VPS13B: variants seen among roughly 807,000 people sequenced by gnomAD.
VPS13B encodes vacuolar protein sorting 13 homolog B.
A neutral mutation model predicts 426.4 loss-of-function variants in VPS13B; 285 were observed. The ratio of observed to expected loss-of-function variants is 0.67; its 90% CI spans 0.61 to 0.74. The LOEUF is 0.74. Ranked by LOEUF, VPS13B falls within the 30% of genes least tolerant of loss-of-function variation. VPS13B has a pLI of 0.00. For missense variants in VPS13B, 4,537 were observed against 4,782.6 expected (o/e 0.95, Z 1.51); for synonymous variants, 1,676 against 1,676.4 (o/e 1.00, Z 0.01).
intron 3 of VPS13B, among the ~76,000 whole-genome samples, chr8:99,082,031 C>T (rs540405175): frequency 9.9e-5 from 15 of 152,226 alleles, no homozygotes; most frequent in East Asian, 3.9e-4. Flanking sequence ...CCTGAGGAAT[C>T]GCCACACTGA....
At chr8:99,807,420 TA>T (rs1413391061) in intron 43 of VPS13B, among the ~76,000 whole-genome samples, 1 of 146,730 alleles carries the variant, frequency 6.8e-6, no homozygotes, top group Non-Finnish European at 1.5e-5. Context: ...CTTGCCTCAT[TA>T]TTTTTTTTTT....
intron 19 of VPS13B, among the ~76,000 whole-genome samples, chr8:99,321,610 C>T (rs1809991912): frequency 6.6e-6 from 1 of 152,128 alleles, no homozygotes; most frequent in East Asian, 1.9e-4. Flanking sequence ...TATTTTTATC[C>T]ATTCTCTGGT....
At chr8:99,088,742 T>C (rs532013535) in intron 3 of VPS13B, among the ~76,000 whole-genome samples, 22 of 152,346 alleles carry the variant, frequency 1.4e-4, no homozygotes, top group African/African-American at 3.6e-4. Context: ...GCTTGTTTAA[T>C]ATATAGAATA....
intron 36 of VPS13B, among the ~76,000 whole-genome samples, chr8:99,706,587 A>G (rs1490766489): frequency 6.6e-6 from 1 of 152,106 alleles, no homozygotes; most frequent in African/African-American, 2.4e-5. Context: ...CAAATTAGTC[A>G]TTTCTGGTTA....
At chr8:99,130,819 GTA>G (rs1244684792) in intron 8 of VPS13B, among the ~76,000 whole-genome samples, 1 of 151,996 alleles carries the variant, frequency 6.6e-6, no homozygotes, top group African/African-American at 2.4e-5. Context: ...TAGCTACATT[GTA>G]TATATCAGTA....
At chr8:99,657,260 T>C (rs1830053001) in intron 34 of VPS13B, among the ~76,000 whole-genome samples, 1 of 152,160 alleles carries the variant, frequency 6.6e-6, no homozygotes, top group East Asian at 1.9e-4. Flanking sequence ...CCTTGAAAAC[T>C]CTTATCTACA....
chr8:99,541,170 T>C (rs990524966), intron 30 of VPS13B, among the ~76,000 whole-genome samples: 26 of 152,158 alleles, frequency 1.7e-4, no homozygotes, highest in Admixed American at 6.5e-4. Context: ...TGTTTTCTGG[T>C]ATCAATTAAA....
At position 99,287,764 on chromosome 8, in the gene VPS13B, A is replaced by G. The variant is rs145222987; in HGVS notation, c.2824+12510A>G. ...TCAAAGAAATCGACATTAAAACACT[A>G]AGGAACATTTTTTTACCTGTGAAAT... On this transcript the variant is annotated intron_variant, in intron 19 of 61. Coordinates refer to ENST00000357162, the MANE Select transcript of VPS13B (RefSeq NM_152564.5). Among the ~76,000 whole-genome samples the G allele has an allele frequency of 3.5e-3, 534 of 152,188 alleles. 5 individuals are homozygous for G. The highest frequency in any genetic ancestry group is 0.012 in the African/African-American group (511 of 41,558).
intron 14 of VPS13B, among the ~76,000 whole-genome samples, chr8:99,152,801 G>C: frequency 6.6e-6 from 1 of 152,066 alleles, no homozygotes; most frequent in Non-Finnish European, 1.5e-5. Flanking sequence ...AATTAATATA[G>C]CCACTCCTAC....
At chr8:99,756,076 T>TA (rs1323954494) in intron 39 of VPS13B, among the ~76,000 whole-genome samples, 1 of 151,846 alleles carries the variant, frequency 6.6e-6, no homozygotes, top group African/African-American at 2.4e-5. Context: ...TTCAAAGAAC[T>TA]AAAAAAGGCC....
At chr8:99,570,051 T>G (rs1825396190) in intron 31 of VPS13B, among the ~76,000 whole-genome samples, 1 of 152,210 alleles carries the variant, frequency 6.6e-6, no homozygotes, top group African/African-American at 2.4e-5. Context: ...GAATTATTGA[T>G]TCTACAGCTC....
At chr8:99,174,652 G>A (rs1812533321) in intron 16 of VPS13B, among the ~76,000 whole-genome samples, 2 of 151,954 alleles carry the variant, frequency 1.3e-5, no homozygotes, top group Admixed American at 6.6e-5. Flanking sequence ...TTTATGTGTT[G>A]TGTAAATTAA....
At chr8:99,108,271 A>G (rs1170665165) in intron 5 of VPS13B, among the ~76,000 whole-genome samples, 1 of 152,086 alleles carries the variant, frequency 6.6e-6, no homozygotes, top group African/African-American at 2.4e-5. Context: ...GGTTGATTCC[A>G]TGTCTTTGCT....
chr8:99,735,970 G>A (rs1029644916), intron 39 of VPS13B, among the ~76,000 whole-genome samples: 5 of 152,150 alleles, frequency 3.3e-5, no homozygotes, highest in Admixed American at 6.5e-5. Context: ...TGTTCTCTGC[G>A]CTTGGGTCGC....
intron 17 of VPS13B, among the ~76,000 whole-genome samples, chr8:99,213,188 T>C (rs1360760485): frequency 6.6e-6 from 1 of 152,190 alleles, no homozygotes; most frequent in African/African-American, 2.4e-5. Flanking sequence ...GTAGTTACTT[T>C]TGTACTGAGA....
At chr8:99,373,582 G>A (rs1813311532) in intron 19 of VPS13B, among the ~76,000 whole-genome samples, 1 of 152,176 alleles carries the variant, frequency 6.6e-6, no homozygotes, top group East Asian at 1.9e-4. Context: ...GAGCACTGTG[G>A]CTCACGCCTA....
At chr8:99,327,131 A>G (rs994322320) in intron 19 of VPS13B, among the ~76,000 whole-genome samples, 4 of 152,144 alleles carry the variant, frequency 2.6e-5, no homozygotes, top group African/African-American at 4.8e-5. Context: ...GGGTCTTCCA[A>G]TTCTATGTAC....
chr8:99,511,526 AT>A lies in VPS13B; in HGVS notation c.4633+22del, dbSNP rs756149542. 8.8e-5 allele frequency: 141 copies of A among 1,604,890 alleles called. No homozygotes were observed. The highest frequency in any genetic ancestry group is 1.0e-4 in the Non-Finnish European group (119 of 1,177,434). ...CAACTGTTGAAGGTATTGTCTTCTG[AT>A]TTTTTTTGTCTGATTTTAAATAATT... On this transcript the variant is annotated intron_variant, in intron 29 of 61. Coordinates refer to ENST00000357162, the MANE Select transcript of VPS13B (RefSeq NM_152564.5).
intron 35 of VPS13B, among the ~76,000 whole-genome samples, chr8:99,675,979 T>A (rs1044730610): frequency 6.6e-6 from 1 of 152,136 alleles, no homozygotes; most frequent in Non-Finnish European, 1.5e-5. Flanking sequence ...TCTATTTTGT[T>A]TGGTGATGTC....
Sources: gnomAD v4.1 joint callset for allele counts (sites outside exome capture counted in the v4.1 genomes callset) on GRCh38, gnomAD v4.1.1 for gene constraint, MANE v1.5 for transcripts, NCBI Gene and HGNC (gene_info 2026-07-23, HGNC 2026-07-21) for gene names.